Variants in BSG observed in about 807,000 individuals in gnomAD.
BSG encodes basigin (Ok blood group).
A neutral mutation model predicts 43.1 loss-of-function variants in BSG; 37 were observed. That is an observed-to-expected ratio of 0.86 (90% confidence interval 0.66 to 1.13). The LOEUF is 1.13. Among genes scored for constraint, BSG ranks in the 50% most tolerant of loss-of-function variants. The pLI, the probability that BSG is intolerant of heterozygous loss-of-function variation, is 0.00. For missense variants in BSG, 599 were observed against 554.2 expected (o/e 1.08, Z -0.81); for synonymous variants, 309 against 238.7 (o/e 1.29, Z -2.72).
Position 578,128 on chromosome 19 carries a change from G to A in BSG, c.415+7G>A. The A allele has an allele frequency of 6.5e-7, 1 of 1,542,490 alleles. No homozygotes were observed. The stretch of plus-strand genomic sequence containing the variant: ...GTCGTGCTAGTCCTGGAACGTGAGT[G>A]GCGGGCACCTCCCTCCCCGCCTCCC... On this transcript the variant is annotated splice_region_variant and intron_variant, in intron 2 of 8. Transcript: ENST00000333511.
Position 582,006 on chromosome 19 carries a change from G to A in BSG, c.1070-300G>A, listed in dbSNP as rs56067110. ...CCCCTTGGGCTGCGTGTGCCGGGGC[G>A]AGGCCTGTGTGGGGCCTGTGATGGC... On this transcript the variant is annotated intron_variant, in intron 6 of 8. Transcript: ENST00000333511. Among the ~76,000 whole-genome samples the A allele has an allele frequency of 5.1e-3, 780 of 152,364 alleles. 5 individuals carry two copies. The highest frequency in any genetic ancestry group is 0.017 in the African/African-American group (698 of 41,588).
chr19:574,413 C>T lies in BSG; in HGVS notation c.67+1712C>T, dbSNP rs571034655. Among the ~76,000 whole-genome samples, 4 of 152,158 alleles carry T rather than the reference C, an allele frequency of 2.6e-5. No individual in the cohort carries two copies. The South Asian group carries it at 6.2e-4, about 24-fold the overall frequency. On this transcript the variant is annotated intron_variant, in intron 1 of 8. Coordinates refer to ENST00000333511, the MANE Select transcript of BSG (RefSeq NM_001728.4). Reference sequence around the variant, plus strand: ...CTAAAAATACAAAAAATTAGCCTGGCGTGGTGGCGGGCGCCTGTAGTCCCA... The same window carrying T: ...CTAAAAATACAAAAAATTAGCCTGGTGTGGTGGCGGGCGCCTGTAGTCCCA...
At position 578,031 on chromosome 19, in the gene BSG, C is replaced by T. The variant is rs778621980; in HGVS notation, c.325C>T (p.Arg109Trp). 6.9e-5 allele frequency: 111 copies of T among 1,611,558 alleles called. No individual in the cohort carries two copies. The highest frequency in any genetic ancestry group is 6.7e-4 in the South Asian group (61 of 90,882). The change falls in exon 2 of 9, where the codon CGG becomes TGG. Residue 109 changes from arginine (R) to tryptophan (W), a missense_variant. Physicochemically the swap from Arg to Trp is moderately radical, Grantham distance 101. Transcript: ENST00000333511. ...VEEDTGTYEC[R>W]ASNDPDRNHL... ...GGAGGACACGGGCACTTACGAGTGCCGGGCCAGCAACGACCCGGATCGCAA... is the reference window on the plus strand; with the variant it reads ...GGAGGACACGGGCACTTACGAGTGCTGGGCCAGCAACGACCCGGATCGCAA...
rs1568349973 is a variant in BSG, at chr19:577,850, C to T, written c.144C>T (p.Gly48=). The T allele has an allele frequency of 2.0e-6, 3 of 1,535,382 alleles. No homozygotes were observed. The highest frequency in any genetic ancestry group is 2.6e-6 in the Non-Finnish European group (3 of 1,134,326). The change falls in exon 2 of 9, where the codon GGC becomes GGT. Residue 48 remains glycine, a synonymous_variant. Coordinates refer to ENST00000333511, the MANE Select transcript of BSG (RefSeq NM_001728.4). ...TGGAGCTGCACTGCGAGGCCGTGGG[C>T]AGCCCGGTGCCCGAGATCCAGTGGT... is the stretch of plus-strand genomic sequence containing the variant. The part of the protein sequence containing the change: ...GSVELHCEAV[G]SPVPEIQWWF...
chr19:577,983 A>G lies in BSG; in HGVS notation c.277A>G (p.Ile93Val), dbSNP rs1981927721. The change falls in exon 2 of 9, where the codon ATC becomes GTC. Residue 93 changes from isoleucine (I) to valine (V), a missense_variant. Ile to Val is a conservative substitution (Grantham distance 29, BLOSUM62 3). Coordinates refer to ENST00000333511, the MANE Select transcript of BSG (RefSeq NM_001728.4). ...ATYHQHAAST[I>V]SIDTLVEEDT... ...CTACCACCAGCACGCGGCCAGCACC[A>G]TCTCCATCGACACGCTCGTGGAGGA... 1 of 1,612,034 alleles carries G rather than the reference A, an allele frequency of 6.2e-7. No individual in the cohort carries two copies. Among genetic ancestry groups the G allele is most frequent in the Admixed American group, 1.7e-5 (1 of 59,948 alleles).
At chr19:576,841 G>A (rs188799878) in intron 1 of BSG, among the ~76,000 whole-genome samples, 1 of 152,330 alleles carries the variant, frequency 6.6e-6, no homozygotes, top group East Asian at 1.9e-4. Flanking sequence ...GTGCTCAGAC[G>A]TGAACATTCC....
chr19:571,686 G>T, upstream of BSG: 1 of 737,304 alleles, frequency 1.4e-6, no homozygotes, highest in East Asian at 2.6e-5. Flanking sequence ...TTCTCAGCGA[G>T]ACCACTTTAC....
At chr19:581,743 G>C in intron 6 of BSG, 152 bp downstream of exon 6, 1 of 1,176,332 alleles carries the variant, frequency 8.5e-7, no homozygotes, top group South Asian at 1.6e-5. Flanking sequence ...GAAAGTGTGG[G>C]ATGGAGGGTC....
Position 581,556 on chromosome 19 carries a change from A to G in BSG, c.1034A>G (p.Tyr345Cys). The change falls in exon 6 of 9, where the codon TAC becomes TGC. Residue 345 changes from tyrosine (Y) to cysteine (C), a missense_variant. Coordinates refer to ENST00000333511, the MANE Select transcript of BSG (RefSeq NM_001728.4). ...GTGCTGGTCACCATCATCTTCATCT[A>G]CGAGAAGCGCCGGAAGCCCGAGGAC... The part of the protein sequence containing the change: ...VLVLVTIIFI[Y>C]EKRRKPEDVL... The G allele has an allele frequency of 6.3e-6, 10 of 1,599,800 alleles. No homozygotes were observed. Among genetic ancestry groups the G allele is most frequent in the Non-Finnish European group, 8.5e-6 (10 of 1,174,668 alleles).
chr19:580,022 C>A, intron 3 of BSG: 2 of 412,386 alleles, frequency 4.8e-6, no homozygotes, highest in Non-Finnish European at 8.8e-6. Context: ...CAGACGCTGT[C>A]ATGGCCGGAG....
chr19:572,980 T>A (rs1981408961), intron 1 of BSG, among the ~76,000 whole-genome samples: 1 of 152,062 alleles, frequency 6.6e-6, no homozygotes, highest in African/African-American at 2.4e-5. Context: ...AGCTCCCTGC[T>A]TGGAGGCGGG....
At chr19:578,374 C>T (rs981415802) in intron 2 of BSG, among the ~76,000 whole-genome samples, 1 of 152,124 alleles carries the variant, frequency 6.6e-6, no homozygotes, top group Non-Finnish European at 1.5e-5. Context: ...GTCCTCCCCT[C>T]GACCCTCGTG....
Position 577,935 on chromosome 19 carries a change from G to A in BSG, c.229G>A (p.Asp77Asn). The change falls in exon 2 of 9, where the codon GAC (aspartate) becomes AAC (asparagine). Residue 77 changes from aspartate (D) to asparagine (N), a missense_variant. Asp to Asn is a conservative substitution (Grantham distance 23). Transcript: ENST00000333511. ...CSQLWDGARLDRVHIHATYHQ... is the reference protein window; with the variant it reads ...CSQLWDGARLNRVHIHATYHQ... ...CCAGCTCTGGGACGGCGCCCGGCTG[G>A]ACCGCGTCCACATCCACGCCACCTA... 1 of 1,607,360 alleles carries A rather than the reference G, an allele frequency of 6.2e-7. No individual in the cohort carries two copies. The highest frequency in any genetic ancestry group is 8.5e-7 in the Non-Finnish European group (1 of 1,176,506).
intron 1 of BSG, among the ~76,000 whole-genome samples, chr19:576,395 C>G (rs1427208688): frequency 6.6e-6 from 1 of 152,240 alleles, no homozygotes; most frequent in Non-Finnish European, 1.5e-5. Context: ...CTGCACATAG[C>G]TGCCAGTGTT....
intron 1 of BSG, among the ~76,000 whole-genome samples, chr19:573,319 G>C (rs1317923758): frequency 6.6e-6 from 1 of 152,132 alleles, no homozygotes; most frequent in Non-Finnish European, 1.5e-5. Flanking sequence ...TAGGGTCAGA[G>C]ACCCTCCCCT....
rs545329526 is a variant in BSG, at chr19:572,895, G to C, written c.67+194G>C. Among the ~76,000 whole-genome samples, 3 of 152,296 alleles carry C rather than the reference G, an allele frequency of 2.0e-5. No individual in the cohort carries two copies. In the South Asian group the frequency reaches 6.2e-4, roughly 32 times the overall value. On this transcript the variant is annotated intron_variant, in intron 1 of 8. Transcript: ENST00000333511. ...TCCCAGGGTTTGAGGGGGGACTAGA[G>C]GTTCCTCCCGGCGCGGCCTGCCGGG...
chr19:578,043 G>A lies in BSG; in HGVS notation c.337G>A (p.Asp113Asn), dbSNP rs746691385. ...TGTYECRASNDPDRNHLTRAP... is the reference protein window; with the variant it reads ...TGTYECRASNNPDRNHLTRAP... Reference sequence around the variant, plus strand: ...CACTTACGAGTGCCGGGCCAGCAACGACCCGGATCGCAACCACCTGACCCG... The same window carrying A: ...CACTTACGAGTGCCGGGCCAGCAACAACCCGGATCGCAACCACCTGACCCG... The change falls in exon 2 of 9, where the codon GAC becomes AAC. Residue 113 changes from aspartate to asparagine, a missense_variant. Asp to Asn is a conservative substitution (Grantham distance 23). Coordinates refer to ENST00000333511, the MANE Select transcript of BSG (RefSeq NM_001728.4). The A allele has an allele frequency of 5.0e-6, 8 of 1,611,112 alleles. No individual in the cohort carries two copies. Among genetic ancestry groups the A allele is most frequent in the African/African-American group, 1.3e-5 (1 of 74,914 alleles).
chr19:572,851 A>T (rs1178584172), intron 1 of BSG, 150 bp downstream of exon 1: 2 of 1,005,772 alleles, frequency 2.0e-6, no homozygotes, highest in Non-Finnish European at 2.6e-6. Flanking sequence ...CCGCGCCAGC[A>T]TGGAGCTTGG....
Position 577,816 on chromosome 19 carries a change from G to A in BSG, c.110G>A (p.Gly37Glu). The A allele has an allele frequency of 6.8e-7, 1 of 1,466,248 alleles. No homozygotes were observed. The highest frequency in any genetic ancestry group is 1.4e-5 in the South Asian group (1 of 70,170). 90.8% of individuals were successfully genotyped at this position (1,466,248 alleles called of 1,614,324 possible). A position where few individuals can be genotyped will look rare whatever the true frequency, so the allele number is the denominator to read the frequency against. The stretch of plus-strand genomic sequence containing the variant: ...CCGCTGTCCCAGCAGAGGTGGGTGG[G>A]GGGCAGTGTGGAGCTGCACTGCGAG... ...QAPLSQQRWVGGSVELHCEAV... is the reference protein window; with the variant it reads ...QAPLSQQRWVEGSVELHCEAV... The change falls in exon 2 of 9, where the codon GGG (glycine) becomes GAG (glutamate). Residue 37 changes from glycine (G) to glutamate (E), a missense_variant. Physicochemically the swap from Gly to Glu is moderately conservative, Grantham distance 98. Transcript: ENST00000333511.
Sources: gnomAD v4.1 joint callset for allele counts (sites outside exome capture counted in the v4.1 genomes callset) on GRCh38, gnomAD v4.1.1 for gene constraint, MANE v1.5 for transcripts, NCBI Gene and HGNC (gene_info 2026-07-23, HGNC 2026-07-21) for gene names.